The following PLPPR1 variants were observed in gnomAD, a reference collection of about 807,000 sequenced individuals.
PLPPR1 encodes phospholipid phosphatase-related protein type 1.
In PLPPR1, 10 loss-of-function variants were observed where a neutral mutation model predicts 33.1. That is an observed-to-expected ratio of 0.30 (90% CI 0.19 to 0.51). PLPPR1 has a LOEUF of 0.51. Among genes scored for constraint, PLPPR1 ranks in the 20% least tolerant of loss-of-function variants. The pLI is 0.97. For missense variants in PLPPR1, 304 were observed against 408.1 expected (o/e 0.74, Z 2.20); for synonymous variants, 151 against 151.0 (o/e 1.00, Z 0.00).
intron 4 of PLPPR1, among the ~76,000 whole-genome samples, chr9:101,301,844 A>G (rs933055830): frequency 3.3e-5 from 5 of 152,210 alleles, no homozygotes; most frequent in Non-Finnish European, 7.4e-5. Flanking sequence ...AAAATTGACT[A>G]CAAAATTGAA....
chr9:101,317,238 C>G (rs1186897504), intron 6 of PLPPR1, 127 bp from the exon 7 acceptor site: 6 of 962,616 alleles, frequency 6.2e-6, no homozygotes, highest in African/African-American at 1.6e-5. Flanking sequence ...TAGTCCCTTT[C>G]CCCTCTCTCA....
intron 2 of PLPPR1, among the ~76,000 whole-genome samples, chr9:101,208,242 G>C (rs1233472013): frequency 6.6e-6 from 1 of 152,202 alleles, no homozygotes; most frequent in Non-Finnish European, 1.5e-5. Context: ...TGAATGCATA[G>C]TCACTGTTTG....
chr9:101,305,611 T>C (rs571492593), intron 4 of PLPPR1, among the ~76,000 whole-genome samples: 4 of 152,294 alleles, frequency 2.6e-5, no homozygotes, highest in Middle Eastern at 3.4e-3. Flanking sequence ...GGCTTCCTAA[T>C]GAAGGTCTGC....
At chr9:101,100,518 C>T (rs1439057371) in intron 1 of PLPPR1, among the ~76,000 whole-genome samples, 2 of 152,038 alleles carry the variant, frequency 1.3e-5, no homozygotes, top group African/African-American at 4.8e-5. Flanking sequence ...TCTCAACTCA[C>T]CTGCTTAAAG....
chr9:101,030,456 G>C (rs1328804613), intron 1 of PLPPR1, among the ~76,000 whole-genome samples: 1 of 151,342 alleles, frequency 6.6e-6, no homozygotes. Flanking sequence ...CATCTGGAGC[G>C]TAAAAGACTT....
At chr9:101,048,323 G>T (rs563547444) in intron 1 of PLPPR1, among the ~76,000 whole-genome samples, 4 of 152,144 alleles carry the variant, frequency 2.6e-5, no homozygotes, top group Non-Finnish European at 5.9e-5. Context: ...AAGACAAAAG[G>T]CATAGACATA....
In PLPPR1 at chr9:101,128,406, A is replaced by G. The variant is rs909000432; in HGVS notation, c.-45-57044A>G. On this transcript the variant is annotated intron_variant, in intron 1 of 7. Transcript: ENST00000374874. ...AAATCATTTTTTCCTTTGAGATATA[A>G]TAATAATCTTACCTACTCTTGCCAA... Among the ~76,000 whole-genome samples the G allele has an allele frequency of 6.6e-5, 10 of 152,332 alleles. No individual in the cohort carries two copies. In the East Asian group the frequency reaches 1.7e-3, roughly 26 times the overall value.
At chr9:101,120,256 G>T (rs1225907791) in intron 1 of PLPPR1, among the ~76,000 whole-genome samples, 1 of 152,124 alleles carries the variant, frequency 6.6e-6, no homozygotes, top group Non-Finnish European at 1.5e-5. Flanking sequence ...CTAGCCAATG[G>T]AATCCGTTGT....
intron 2 of PLPPR1, among the ~76,000 whole-genome samples, chr9:101,258,026 A>G (rs1827832336): frequency 6.6e-6 from 1 of 152,206 alleles, no homozygotes; most frequent in Non-Finnish European, 1.5e-5. Context: ...AACAAGGGAA[A>G]GGCTAAAAGC....
intron 1 of PLPPR1, among the ~76,000 whole-genome samples, chr9:101,155,271 A>G (rs1284602182): frequency 2.6e-5 from 4 of 152,114 alleles, no homozygotes; most frequent in African/African-American, 7.2e-5. Context: ...GTTTTAGTCT[A>G]TGGTGTGCTG....
At chr9:101,149,587 T>C (rs1045603716) in intron 1 of PLPPR1, among the ~76,000 whole-genome samples, 30 of 152,224 alleles carry the variant, frequency 2.0e-4, no homozygotes, top group African/African-American at 7.2e-4. Context: ...CATGTTTTCA[T>C]TTCTTTAGAA....
chr9:101,078,414 C>T (rs1830576734), intron 1 of PLPPR1, among the ~76,000 whole-genome samples: 1 of 152,030 alleles, frequency 6.6e-6, no homozygotes, highest in African/African-American at 2.4e-5. Flanking sequence ...AATACAACTT[C>T]CTTCCTGATC....
At chr9:101,294,869 G>A (rs1025082821) in intron 4 of PLPPR1, among the ~76,000 whole-genome samples, 19 of 152,132 alleles carry the variant, frequency 1.2e-4, no homozygotes, top group African/African-American at 3.6e-4. Context: ...AAAACTGGAA[G>A]CATTCCCTTT....
intron 1 of PLPPR1, among the ~76,000 whole-genome samples, chr9:101,046,355 G>T (rs180967957): frequency 1.3e-5 from 2 of 149,662 alleles, no homozygotes; most frequent in Non-Finnish European, 3.0e-5. Context: ...CTCCACCCCT[G>T]CCCAGAGCAA....
chr9:101,113,366 G>C lies in PLPPR1; in HGVS notation c.-45-72084G>C, dbSNP rs1831080556. Among the ~76,000 whole-genome samples, 5 of 152,058 alleles carry C rather than the reference G, an allele frequency of 3.3e-5. No individual in the cohort carries two copies. The South Asian group carries it at 1.0e-3, about 32-fold the overall frequency. On this transcript the variant is annotated intron_variant, in intron 1 of 7. Coordinates refer to ENST00000374874, the MANE Select transcript of PLPPR1 (RefSeq NM_207299.2). The stretch of plus-strand genomic sequence containing the variant: ...TATGCCTTTATACTATGTAAATACT[G>C]TGTGCTGTTTAGAGAAGCAACAAGA...
chr9:101,208,888 T>G (rs1826635356), intron 2 of PLPPR1, among the ~76,000 whole-genome samples: 1 of 152,196 alleles, frequency 6.6e-6, no homozygotes, highest in Non-Finnish European at 1.5e-5. Flanking sequence ...GGATCTAACT[T>G]GGGCATGCCA....
chr9:101,033,393 C>T (rs1351540616), intron 1 of PLPPR1, among the ~76,000 whole-genome samples: 5 of 152,066 alleles, frequency 3.3e-5, no homozygotes. Flanking sequence ...TTTGGGGTGA[C>T]ACCAGAACAT....
At chr9:101,057,479 CTG>C (rs1351777889) in intron 1 of PLPPR1, among the ~76,000 whole-genome samples, 2 of 151,852 alleles carry the variant, frequency 1.3e-5, no homozygotes, top group Non-Finnish European at 2.9e-5. Context: ...GTATTTTTAA[CTG>C]TTATATATTA....
intron 1 of PLPPR1, among the ~76,000 whole-genome samples, chr9:101,146,564 G>A (rs2118641791): frequency 6.6e-6 from 1 of 152,364 alleles, no homozygotes; most frequent in South Asian, 2.1e-4. Flanking sequence ...TTAGAAACCA[G>A]TGAAGTACCA....
Sources: allele counts gnomAD v4.1 joint callset (sites outside exome capture counted in the v4.1 genomes callset), GRCh38; gene constraint gnomAD v4.1.1; transcripts MANE v1.5; gene names NCBI Gene and HGNC (gene_info 2026-07-23, HGNC 2026-07-21).